Variants in OVCH1 observed in about 807,000 individuals in gnomAD.
OVCH1 encodes the protein ovochymase-1.
A neutral mutation model predicts 138.4 loss-of-function variants in OVCH1; 139 were observed. That is an observed-to-expected ratio of 1.00 (90% CI 0.87 to 1.16). The LOEUF is 1.16. OVCH1 is among the 50% of genes most tolerant of loss of function. The pLI is 0.00. For missense variants in OVCH1, 1,367 were observed against 1,357.9 expected (o/e 1.01, Z -0.11); for synonymous variants, 453 against 467.8 (o/e 0.97, Z 0.41).
At chr12:29,488,743 G>C (rs1565612314) in intron 6 of OVCH1, among the ~76,000 whole-genome samples, 2 of 151,514 alleles carry the variant, frequency 1.3e-5, no homozygotes, top group South Asian at 4.2e-4. Flanking sequence ...GCTGCTTTAA[G>C]ACTATGTTTC....
At position 29,468,283 on chromosome 12, in the gene OVCH1, A is replaced by G. The variant is rs774266852; in HGVS notation, c.1857-3064T>C. Among the ~76,000 whole-genome samples the G allele has an allele frequency of 3.3e-5, 5 of 152,306 alleles. No individual in the cohort carries two copies. The South Asian group carries it at 1.0e-3, about 32-fold the overall frequency. On this transcript the variant is annotated intron_variant, in intron 16 of 27. Coordinates refer to ENST00000318184, the Ensembl canonical transcript of OVCH1. Reference sequence around the variant, plus strand: ...ACCTTCTCTAACTGCCTTTTTCCCCAAAAGCATTACTATTATAATACATAT... The same window carrying G: ...ACCTTCTCTAACTGCCTTTTTCCCCGAAAGCATTACTATTATAATACATAT...
rs1943454840 is a variant in OVCH1 at position 29,497,608 on chromosome 12, G to A, written c.64+15C>T. ...GCCTCCTCCGCAGTCCTGGTGCCCA[G>A]GTCCCTAGGCTCACCTAGGCTTCTG... On this transcript the variant is annotated intron_variant, in intron 1 of 27. Transcript: ENST00000318184. 2 of 1,613,352 alleles carry A rather than the reference G, an allele frequency of 1.2e-6. No homozygotes were observed. The highest frequency in any genetic ancestry group is 3.3e-5 in the Admixed American group (2 of 59,970).
At chr12:29,474,964 G>A in intron 14 of OVCH1, 97 bp downstream of exon 14, 1 of 1,310,626 alleles carries the variant, frequency 7.6e-7, no homozygotes, top group Non-Finnish European at 1.0e-6. Context: ...TTACCAAGGG[G>A]ATTGCTATAC....
chr12:29,465,326 T>G (rs1018446347), intron 16 of OVCH1, 107 bp from the exon 17 acceptor site: 67 of 935,536 alleles, frequency 7.2e-5, no homozygotes, highest in Non-Finnish European at 1.0e-4. Context: ...TCTGAAGACG[T>G]TCTGAGGAAA....
In OVCH1 at chr12:29,476,423, AAAT is replaced by A. The variant is rs1427781660; in HGVS notation, c.1378-127_1378-125del. 6.4e-6 allele frequency: 5 copies of A among 781,698 alleles called. No individual in the cohort carries two copies. In the African/African-American group the frequency reaches 8.6e-5, roughly 13 times the overall value. The allele number at this position is 781,698 out of a possible 1,614,324, so 48.4% of individuals were successfully genotyped here. A position where few individuals can be genotyped will look rare whatever the true frequency, so the allele number is the denominator to read the frequency against. ...CTCATATGCCTTCACATAGAAGTGT[AAAT>A]AATTGCAGTCTCTTTGAAGGGCAAT... On this transcript the variant is annotated intron_variant, in intron 12 of 27. Coordinates refer to ENST00000318184, the Ensembl canonical transcript of OVCH1.
intron 16 of OVCH1, among the ~76,000 whole-genome samples, chr12:29,469,569 C>A (rs933319516): frequency 6.6e-6 from 1 of 152,010 alleles, no homozygotes; most frequent in African/African-American, 2.4e-5. Context: ...TGGGAGCAAG[C>A]AGGGAAATGA....
At chr12:29,489,534 A>C in intron 6 of OVCH1, 86 bp downstream of exon 6, 11 of 1,400,076 alleles carry the variant, frequency 7.9e-6, no homozygotes, top group Non-Finnish European at 1.0e-5. Context: ...CAGTAATAGA[A>C]GAAACATGAG....
At chr12:29,482,944 A>G (rs941251374) in intron 8 of OVCH1, among the ~76,000 whole-genome samples, 2 of 152,194 alleles carry the variant, frequency 1.3e-5, no homozygotes, top group Non-Finnish European at 2.9e-5. Flanking sequence ...TAATTTCAGA[A>G]ATCATTCAAA....
At chr12:29,411,661 G>C (rs1259106050), downstream of OVCH1, among the ~76,000 whole-genome samples, 4 of 152,104 alleles carry the variant, frequency 2.6e-5, no homozygotes, top group Non-Finnish European at 4.4e-5. Flanking sequence ...CGTTCCTCTG[G>C]AAGTTTTGTC....
In OVCH1 at chr12:29,465,018, G is replaced by A. The variant is rs943407008; in HGVS notation, c.1929+129C>T. 3 of 814,576 alleles carry A rather than the reference G, an allele frequency of 3.7e-6. No individual in the cohort carries two copies. In the Admixed American group the frequency reaches 9.5e-5, roughly 26 times the overall value. 50.5% of individuals were successfully genotyped at this position (814,576 alleles called of 1,614,324 possible). On this transcript the variant is annotated intron_variant, in intron 17 of 27. Transcript: ENST00000318184. ...TCTCAAATTGCATTTTTAAATGTGG[G>A]TATAAATAATAAGTGTGAAAGGGCC...
chr12:29,476,756 C>CGT (rs1491194492), intron 12 of OVCH1, among the ~76,000 whole-genome samples: 2 of 4,342 alleles, frequency 4.6e-4, no homozygotes, highest in Middle Eastern at 0.5. Context: ...CACACGCGCG[C>CGT]ACACACACAC....
chr12:29,453,407 T>G (rs1941853676), intron 21 of OVCH1, among the ~76,000 whole-genome samples: 1 of 152,112 alleles, frequency 6.6e-6, no homozygotes, highest in African/African-American at 2.4e-5. Context: ...CACTGAAGTT[T>G]CCCAGCTCCT....
exon 14 of OVCH1, chr12:29,475,104 A>T: frequency 6.3e-7 from 1 of 1,579,562 alleles, no homozygotes; most frequent in African/African-American, 1.3e-5. Flanking sequence ...CTTGTAAACG[A>T]TTTTTACCAT....
At chr12:29,491,957 TCTGTCTTGG>T (rs751150419) in intron 4 of OVCH1, among the ~76,000 whole-genome samples, 11 of 152,174 alleles carry the variant, frequency 7.2e-5, no homozygotes, top group Non-Finnish European at 1.6e-4. Context: ...GAAAAATATC[TCTGTCTTGG>T]TAGAACCTCA....
At chr12:29,471,699 C>G in intron 16 of OVCH1, 103 bp downstream of exon 16, 1 of 1,261,600 alleles carries the variant, frequency 7.9e-7, no homozygotes, top group Admixed American at 3.2e-5. Flanking sequence ...AAGATTCTTG[C>G]TCTAGAATTA....
chr12:29,446,027 C>A (rs568938273), intron 22 of OVCH1, among the ~76,000 whole-genome samples: 7 of 152,240 alleles, frequency 4.6e-5, no homozygotes, highest in Admixed American at 3.9e-4. Flanking sequence ...GTACTACATA[C>A]AACTATGTGG....
chr12:29,445,386 T>G (rs781067032), exon 23 of OVCH1: 1 of 1,609,504 alleles, frequency 6.2e-7, no homozygotes, highest in South Asian at 1.1e-5. Flanking sequence ...GAGTAAAGTC[T>G]TCTTCCATGT....
At chr12:29,443,428 T>C (rs1481344269) in exon 25 of OVCH1, 1 of 1,612,030 alleles carries the variant, frequency 6.2e-7, no homozygotes, top group East Asian at 2.2e-5. Flanking sequence ...CAAAAGTTGT[T>C]GGCTTCATCG....
chr12:29,405,701 AAAT>A, the OVCH1 span, among the ~76,000 whole-genome samples: 1 of 152,242 alleles, frequency 6.6e-6, no homozygotes, highest in Non-Finnish European at 1.5e-5. Flanking sequence ...GATGAGAGAA[AAAT>A]AATATCACTT....
Sources: gnomAD v4.1 joint callset for allele counts (sites outside exome capture counted in the v4.1 genomes callset) on GRCh38, gnomAD v4.1.1 for gene constraint, MANE v1.5 for transcripts, NCBI Gene and HGNC (gene_info 2026-07-23, HGNC 2026-07-21) for gene names.